AMELX: variants seen among roughly 807,000 people sequenced by gnomAD.
AMELX encodes amelogenin X-linked.
A neutral mutation model predicts 15.8 loss-of-function variants in AMELX; 9 were observed. That is an observed-to-expected ratio of 0.57 (90% CI 0.34 to 0.99). The LOEUF (loss-of-function observed/expected upper bound fraction) is 0.99, where lower values mean the gene tolerates loss of function less well. Among genes scored for constraint, AMELX ranks in the 50% least tolerant of loss-of-function variants. The probability of loss-of-function intolerance (pLI) is 0.02; values close to 1 mark genes in which losing one functional copy is unlikely to be tolerated. For missense variants in AMELX, 107 were observed against 156.2 expected (o/e 0.68, Z 1.68); for synonymous variants, 61 against 58.8 (o/e 1.04, Z -0.17).
intron 1 of AMELX, among the ~76,000 whole-genome samples, chrX:11,293,993 G>A (rs1282105875): frequency 1.8e-5 from 2 of 112,457 alleles, no homozygotes; most frequent in African/African-American, 6.5e-5. Context: ...ACAAATCAAT[G>A]TGCACATTTT....
chrX:11,301,342 C>T (rs1391191257), downstream of AMELX, among the ~76,000 whole-genome samples: 1 of 112,344 alleles, frequency 8.9e-6, no homozygotes, highest in East Asian at 2.8e-4. Context: ...CACCTCATAA[C>T]TTTAAGATAA....
At chrX:11,306,025 TGC>T in the AMELX span, among the ~76,000 whole-genome samples, 1 of 111,693 alleles carries the variant, frequency 9.0e-6, no homozygotes, top group Non-Finnish European at 1.9e-5. Context: ...CCTGCCTCCT[TGC>T]TGCTGTATCC....
intron 3 of AMELX, 115 bp from the exon 4 acceptor site, chrX:11,298,121 A>G: frequency 1.7e-6 from 2 of 1,211,762 alleles, no homozygotes; most frequent in African/African-American, 3.5e-5. Context: ...TTCTCAGGCT[A>G]TCAATGTTGA....
chrX:11,300,801 C>T (rs2048164789), downstream of AMELX: 2 of 433,596 alleles, frequency 4.6e-6, no homozygotes, highest in Admixed American at 7.2e-5. Context: ...ATTTTCCTAT[C>T]ATTTGAGATG....
chrX:11,297,088 G>A (rs2048098531), intron 3 of AMELX, among the ~76,000 whole-genome samples: 1 of 111,674 alleles, frequency 9.0e-6, no homozygotes, highest in African/African-American at 3.3e-5. Context: ...CCACTACTCA[G>A]GGAGGCTCCA....
At chrX:11,302,424 C>T (rs1216863886), downstream of AMELX, among the ~76,000 whole-genome samples, 1 of 112,406 alleles carries the variant, frequency 8.9e-6, no homozygotes, top group African/African-American at 3.2e-5. Flanking sequence ...TCCTGATCCT[C>T]TATGAGAATT....
At chrX:11,294,629 T>C in intron 1 of AMELX, 148 bp from the exon 2 acceptor site, 1 of 622,980 alleles carries the variant, frequency 1.6e-6, no homozygotes, top group East Asian at 3.3e-5. Context: ...GAGCTGGAAA[T>C]CACATATGAC....
the AMELX span, among the ~76,000 whole-genome samples, chrX:11,307,535 C>T: frequency 3.6e-5 from 4 of 112,241 alleles, no homozygotes; most frequent in Non-Finnish European, 7.5e-5. Flanking sequence ...CAAATTCAGG[C>T]TCTGCAGGTT....
rs751302355 is a variant in AMELX, at chrX:11,300,630, G to A, written c.*18G>A. The A allele has an allele frequency of 1.2e-5, 14 of 1,194,671 alleles. No homozygotes were observed. The highest frequency in any genetic ancestry group is 2.2e-5 in the Admixed American group (1 of 45,760). On this transcript the variant is annotated 3_prime_UTR_variant, in exon 6 of 6. Transcript: ENST00000380714. ...AGGATTAAAAGATCAGAAGATGAGA[G>A]GGGAATGAATACTTCAGATGCTTTC...
chrX:11,294,775 A>G lies in AMELX; in HGVS notation c.-12-2A>G. On this transcript the variant is annotated splice_acceptor_variant, in intron 1 of 5. Coordinates refer to ENST00000380714, the MANE Select transcript of AMELX (RefSeq NM_001142.2). LOFTEE classifies it low-confidence loss of function (5UTR_SPLICE). ...AAAAGTGGATGTTGACTTACATTTCAGAACCATCAAGAAATGGGGACCTGG... is the reference window on the plus strand; with the variant it reads ...AAAAGTGGATGTTGACTTACATTTCGGAACCATCAAGAAATGGGGACCTGG... The G allele has an allele frequency of 8.3e-7, 1 of 1,210,725 alleles. No individual in the cohort carries two copies. Among genetic ancestry groups the G allele is most frequent in the Non-Finnish European group, 1.1e-6 (1 of 894,449 alleles).
chrX:11,300,753 T>C lies in AMELX; in HGVS notation c.*141T>C. ...ACCATTAGCAGACAATAAAATGCAT[T>C]AAAAATCATTCATGTCTTTGTGTTG... On this transcript the variant is annotated 3_prime_UTR_variant, in exon 6 of 6. Coordinates refer to ENST00000380714, the MANE Select transcript of AMELX (RefSeq NM_001142.2). The C allele has an allele frequency of 1.8e-6, 1 of 568,411 alleles. No individual in the cohort carries two copies. Among genetic ancestry groups the C allele is most frequent in the Non-Finnish European group, 2.9e-6 (1 of 340,319 alleles). 46.8% of individuals were successfully genotyped at this position (568,411 alleles called of 1,213,427 possible).
intron 5 of AMELX, among the ~76,000 whole-genome samples, 182 bp downstream of exon 5, chrX:11,299,155 G>A (rs1311176762): frequency 9.0e-6 from 1 of 111,535 alleles, no homozygotes; most frequent in East Asian, 2.8e-4. Flanking sequence ...CCTCTAAATG[G>A]CTTGGTAATT....
At chrX:11,302,795 T>C (rs2048188430), downstream of AMELX, among the ~76,000 whole-genome samples, 1 of 111,149 alleles carries the variant, frequency 9.0e-6, no homozygotes, top group Non-Finnish European at 1.9e-5. Context: ...CACCAAGACA[T>C]ACTACAGTTC....
intron 2 of AMELX, among the ~76,000 whole-genome samples, chrX:11,295,103 G>C (rs1167764160): frequency 8.9e-6 from 1 of 112,043 alleles, no homozygotes; most frequent in African/African-American, 3.2e-5. Flanking sequence ...GATTCTGTTG[G>C]AACTGTTAGC....
At position 11,298,968 on chromosome X, in the gene AMELX, G is replaced by C. The variant is rs758160581; in HGVS notation, c.565G>C (p.Glu189Gln). 1 of 1,209,159 alleles carries C rather than the reference G, an allele frequency of 8.3e-7. No individual in the cohort carries two copies. The highest frequency in any genetic ancestry group is 3.0e-5 in the East Asian group (1 of 33,755). The change falls in exon 5 of 6, where the codon GAA (glutamate) becomes CAA (glutamine). Residue 189 changes from glutamate (E) to glutamine (Q), a missense_variant. Coordinates refer to ENST00000380714, the MANE Select transcript of AMELX (RefSeq NM_001142.2). ...ATCAACAGACAAGACCAAGCGGGAG[G>C]AAGTGGTGAGTATATTTTGAAGCCA... ...WPSTDKTKRE[E>Q]VD
chrX:11,300,790 A>C (rs1225681352), downstream of AMELX: 4 of 460,986 alleles, frequency 8.7e-6, no homozygotes, highest in South Asian at 1.3e-4. Context: ...ATGAAACTTA[A>C]ATTTTCCTAT....
chrX:11,294,713 G>A (rs1441240216), intron 1 of AMELX, 64 bp from the exon 2 acceptor site: 13 of 1,076,458 alleles, frequency 1.2e-5, no homozygotes, highest in Non-Finnish European at 1.4e-5. Context: ...TGTGTTTTAT[G>A]GAGCATTCAT....
At chrX:11,301,172 T>C (rs964213966), downstream of AMELX, among the ~76,000 whole-genome samples, 2 of 43,431 alleles carry the variant, frequency 4.6e-5, no homozygotes, top group Middle Eastern at 9.6e-3. Flanking sequence ...GGTCTTTTGA[T>C]CTCATTCTAT....
At chrX:11,296,883 C>G in intron 3 of AMELX, 57 bp downstream of exon 3, 4 of 1,150,658 alleles carry the variant, frequency 3.5e-6, no homozygotes, top group Non-Finnish European at 4.8e-6. Context: ...GCCCTGGGCT[C>G]TGTAAAGAAT....
Sources: allele counts gnomAD v4.1 joint callset (sites outside exome capture counted in the v4.1 genomes callset), GRCh38; gene constraint gnomAD v4.1.1; transcripts MANE v1.5; gene names NCBI Gene and HGNC (gene_info 2026-07-23, HGNC 2026-07-21).